The following SYNCRIP variants were observed in gnomAD, a reference collection of about 807,000 sequenced individuals.
SYNCRIP encodes the protein synaptotagmin binding cytoplasmic RNA interacting protein.
A neutral mutation model predicts 68.9 loss-of-function variants in SYNCRIP; 9 were observed. The observed-to-expected ratio is 0.13, with a 90% CI of 0.08 to 0.23. The LOEUF is 0.23. Among genes scored for constraint, SYNCRIP ranks in the 10% least tolerant of loss-of-function variants. SYNCRIP has a pLI of 1.00. For synonymous variants in SYNCRIP, 258 were observed against 254.0 expected, an observed-to-expected ratio of 1.02 and a Z score of -0.15; for missense variants, 414 against 770.6, an observed-to-expected ratio of 0.54 and a Z score of 5.48.
At chr6:85,637,425 A>G in intron 4 of SYNCRIP, 69 bp from the exon 5 acceptor site, 8 of 996,950 alleles carry the variant, frequency 8.0e-6, no homozygotes, top group Non-Finnish European at 1.2e-5. Context: ...AGCAGTTAAC[A>G]TCCATCTTGC....
At chr6:85,622,383 A>T in intron 8 of SYNCRIP, 99 bp downstream of exon 8, 3 of 1,151,098 alleles carry the variant, frequency 2.6e-6, no homozygotes, top group South Asian at 2.9e-5. Context: ...CTCAAAAAAT[A>T]AAAAAATGTA....
downstream of SYNCRIP, chr6:85,612,851 T>C: frequency 6.5e-7 from 1 of 1,549,432 alleles, no homozygotes; most frequent in Non-Finnish European, 8.7e-7. Context: ...ACTGCAAGCT[T>C]CTGGTGTAAT....
chr6:85,631,192 A>G (rs940476780), intron 6 of SYNCRIP, among the ~76,000 whole-genome samples: 1 of 152,028 alleles, frequency 6.6e-6, no homozygotes, highest in Non-Finnish European at 1.5e-5. Context: ...AAAATACAAA[A>G]ATCAGCCAGG....
At chr6:85,623,313 C>G (rs1052353512) in intron 7 of SYNCRIP, among the ~76,000 whole-genome samples, 1 of 151,890 alleles carries the variant, frequency 6.6e-6, no homozygotes, top group Admixed American at 6.6e-5. Context: ...CCTGTAATCG[C>G]AACACTCTGG....
At chr6:85,624,747 T>C (rs1806844359) in intron 6 of SYNCRIP, among the ~76,000 whole-genome samples, 1 of 152,184 alleles carries the variant, frequency 6.6e-6, no homozygotes, top group African/African-American at 2.4e-5. Flanking sequence ...TCCCAGATTA[T>C]CAGAAAGCAG....
At chr6:85,628,298 C>T (rs894525223) in intron 6 of SYNCRIP, among the ~76,000 whole-genome samples, 3 of 152,296 alleles carry the variant, frequency 2.0e-5, no homozygotes, top group Admixed American at 1.3e-4. Flanking sequence ...TCGGGTGATC[C>T]GCCCGCCTCA....
rs577907780 is a variant in SYNCRIP, at chr6:85,639,789, G to A, written c.375+432C>T. Among the ~76,000 whole-genome samples, 74 of 152,158 alleles carry A rather than the reference G, an allele frequency of 4.9e-4. 1 individual carries two copies. In the South Asian group the frequency reaches 0.014, roughly 29 times the overall value. On this transcript the variant is annotated intron_variant, in intron 4 of 10. Coordinates refer to ENST00000369622, the MANE Select transcript of SYNCRIP (RefSeq NM_006372.5). The stretch of plus-strand genomic sequence containing the variant: ...AATCTTATTGTCAAAGCTGCTTTGA[G>A]AAATAGTCTAATAATCCATACTGAT...
chr6:85,614,871 C>G lies in SYNCRIP; in HGVS notation c.1757G>C (p.Gly586Ala), dbSNP rs1461076123. The G allele has an allele frequency of 6.2e-7, 1 of 1,614,150 alleles. No individual in the cohort carries two copies. The highest frequency in any genetic ancestry group is 1.7e-5 in the Admixed American group (1 of 60,022). Residue 586 changes from glycine to alanine, a missense_variant, in exon 11 of 11, where the codon GGC becomes GCC. Gly to Ala is a moderately conservative substitution (Grantham distance 60). Transcript: ENST00000369622. ...KRRQTNNQNW[G>A]SQPIAQQPLQ... The stretch of plus-strand genomic sequence containing the variant: ...CGGTTGCTGAGCAATGGGTTGGGAG[C>G]CCCAGTTCTGATTATTGGTCTGGCG...
intron 6 of SYNCRIP, among the ~76,000 whole-genome samples, chr6:85,631,988 TATC>T (rs1668631438): frequency 6.6e-6 from 1 of 152,248 alleles, no homozygotes; most frequent in Non-Finnish European, 1.5e-5. Context: ...CTAGCTAGAT[TATC>T]ATCATTTACA....
At chr6:85,634,942 G>C (rs1808276433) in intron 6 of SYNCRIP, among the ~76,000 whole-genome samples, 2 of 152,136 alleles carry the variant, frequency 1.3e-5, no homozygotes, top group South Asian at 2.1e-4. Context: ...GGCCAAGGCG[G>C]GCAGATTACT....
Position 85,615,308 on chromosome 6 carries a change from G to A in SYNCRIP, c.1320C>T (p.Pro440=), listed in dbSNP as rs188553139. The A allele has an allele frequency of 3.4e-4, 536 of 1,558,424 alleles. 3 individuals carry two copies. Among genetic ancestry groups the A allele is most frequent in the Admixed American group, 1.8e-5 (1 of 54,718 alleles). ...CACGCCCTCGACCTCTTGTTGGAGGGGGCATATGAGGTGGACCATAATAGT... is the reference window on the plus strand; with the variant it reads ...CACGCCCTCGACCTCTTGTTGGAGGAGGCATATGAGGTGGACCATAATAGT... ...DYYYYGPPHM[P]PPTRGRGRGG... The change falls in exon 11 of 11, where the codon CCC becomes CCT. Residue 440 remains proline (P), a synonymous_variant. Coordinates refer to ENST00000369622, the MANE Select transcript of SYNCRIP (RefSeq NM_006372.5).
At chr6:85,633,654 G>GTAT (rs1474254343) in intron 6 of SYNCRIP, among the ~76,000 whole-genome samples, 1 of 152,146 alleles carries the variant, frequency 6.6e-6, no homozygotes, top group Non-Finnish European at 1.5e-5. Flanking sequence ...CCTACTGGCT[G>GTAT]TATACCAATA....
chr6:85,636,767 C>T (rs978750033), intron 6 of SYNCRIP, among the ~76,000 whole-genome samples, 200 bp downstream of exon 6: 2 of 152,036 alleles, frequency 1.3e-5, no homozygotes, highest in African/African-American at 4.8e-5. Context: ...TCTACCATGC[C>T]GCCTTTTAGA....
chr6:85,628,802 A>G (rs759418732), intron 6 of SYNCRIP, among the ~76,000 whole-genome samples: 56 of 152,222 alleles, frequency 3.7e-4, no homozygotes, highest in Non-Finnish European at 6.2e-4. Context: ...CAGGCTATCA[A>G]AAGTTTTTCA....
Position 85,614,768 on chromosome 6 carries a change from T to G in SYNCRIP, c.1860A>C (p.Gln620His). The stretch of plus-strand genomic sequence containing the variant: ...GGCCCTACTGTTTCTACTTCCACTG[T>G]TGCCCAAAAGTATCCTGATAAAACT... Reference protein sequence around the residue: ...NQEFYQDTFGQQWK With the variant: ...NQEFYQDTFGHQWK The change falls in exon 11 of 11, where the codon CAA becomes CAC. Residue 620 changes from glutamine (Q) to histidine (H), a missense_variant. Gln to His is a conservative substitution (Grantham distance 24, BLOSUM62 0). Transcript: ENST00000369622. The G allele has an allele frequency of 6.3e-7, 1 of 1,595,136 alleles. No individual in the cohort carries two copies. The highest frequency in any genetic ancestry group is 8.5e-7 in the Non-Finnish European group (1 of 1,171,740).
At chr6:85,611,322 A>G (rs1445010332), downstream of SYNCRIP, 1 of 152,590 alleles carries the variant, frequency 6.6e-6, no homozygotes, top group African/African-American at 2.4e-5. Context: ...CCTCCAGCTT[A>G]CAGTATAAAA....
intron 7 of SYNCRIP, among the ~76,000 whole-genome samples, chr6:85,623,463 C>G (rs925128015): frequency 2.7e-5 from 4 of 146,942 alleles, no homozygotes; most frequent in African/African-American, 7.6e-5. Flanking sequence ...ACTCAGGAGG[C>G]TGAGGCAAGA....
At chr6:85,634,293 T>C (rs1808180521) in intron 6 of SYNCRIP, among the ~76,000 whole-genome samples, 1 of 152,246 alleles carries the variant, frequency 6.6e-6, no homozygotes, top group Non-Finnish European at 1.5e-5. Flanking sequence ...GATGTATCTT[T>C]ACTGTAAAGT....
intron 6 of SYNCRIP, 64 bp from the exon 7 acceptor site, chr6:85,624,176 A>C (rs1806775024): frequency 6.7e-7 from 1 of 1,483,146 alleles, no homozygotes; most frequent in South Asian, 1.2e-5. Context: ...GTTAATTATA[A>C]AAGATACACA....
Sources: allele counts gnomAD v4.1 joint callset (sites outside exome capture counted in the v4.1 genomes callset), GRCh38; gene constraint gnomAD v4.1.1; transcripts MANE v1.5; gene names NCBI Gene and HGNC (gene_info 2026-07-23, HGNC 2026-07-21).